SAMTOR: variants seen among roughly 807,000 people sequenced by gnomAD.
SAMTOR encodes UPF0532 protein C7orf60.
the SAMTOR span, among the ~76,000 whole-genome samples, chr7:112,914,171 T>TA: frequency 6.6e-6 from 1 of 151,658 alleles, no homozygotes; most frequent in Non-Finnish European, 1.5e-5. Flanking sequence ...AATTTTTGAA[T>TA]AAAAATGGAA....
the SAMTOR span, among the ~76,000 whole-genome samples, chr7:112,856,856 T>C: frequency 6.6e-6 from 1 of 152,138 alleles, no homozygotes; most frequent in Non-Finnish European, 1.5e-5. Context: ...CAAAACTATA[T>C]AGTAAATAAA....
At chr7:112,828,395 T>G in the SAMTOR span, among the ~76,000 whole-genome samples, 3 of 152,146 alleles carry the variant, frequency 2.0e-5, no homozygotes, top group African/African-American at 4.8e-5. Flanking sequence ...TGGTCTTTGG[T>G]TTATAGATGC....
At chr7:112,926,624 T>A in the SAMTOR span, among the ~76,000 whole-genome samples, 28 of 152,294 alleles carry the variant, frequency 1.8e-4, no homozygotes, top group African/African-American at 6.7e-4. Flanking sequence ...AAGTGAAGTA[T>A]ACTTAAATAT....
chr7:112,884,600 A>C, the SAMTOR span, among the ~76,000 whole-genome samples: 1 of 152,186 alleles, frequency 6.6e-6, no homozygotes. Context: ...CTTGGACTCC[A>C]TGTCTCACAT....
chr7:112,865,792 A>G, the SAMTOR span, among the ~76,000 whole-genome samples: 3 of 141,178 alleles, frequency 2.1e-5, no homozygotes, highest in African/African-American at 8.0e-5. Context: ...TCATTCATAT[A>G]TATACTTATT....
At chr7:112,822,045 T>C in the SAMTOR span, 8 of 1,613,694 alleles carry the variant, frequency 5.0e-6, no homozygotes, top group South Asian at 1.1e-5. Flanking sequence ...TTTTGAGTAC[T>C]TGAAGCGTTT....
chr7:112,924,355 TTAAC>T, the SAMTOR span, among the ~76,000 whole-genome samples: 2 of 152,130 alleles, frequency 1.3e-5, no homozygotes, highest in South Asian at 2.1e-4. Context: ...CAACCAATAT[TTAAC>T]TATTCAAATT....
the SAMTOR span, among the ~76,000 whole-genome samples, chr7:112,827,873 C>A: frequency 1.3e-5 from 2 of 152,050 alleles, no homozygotes; most frequent in Non-Finnish European, 2.9e-5. Context: ...GTGCACCATG[C>A]GTGGCTAACT....
the SAMTOR span, among the ~76,000 whole-genome samples, chr7:112,826,743 A>AT: frequency 6.6e-6 from 1 of 152,158 alleles, no homozygotes; most frequent in Non-Finnish European, 1.5e-5. Flanking sequence ...GTTTAGTGCT[A>AT]TAATTTTCCC....
chr7:112,819,199 A>G, the SAMTOR span: 1 of 152,770 alleles, frequency 6.5e-6, no homozygotes, highest in Non-Finnish European at 1.5e-5. Context: ...AAAATGTGAA[A>G]AAATACAACA....
At chr7:112,837,143 G>A in the SAMTOR span, among the ~76,000 whole-genome samples, 81 of 152,152 alleles carry the variant, frequency 5.3e-4, 3 homozygotes, top group East Asian at 0.012. Context: ...TTGTTGCAGA[G>A]ATTTTTCACC....
At chr7:112,843,035 AACT>A in the SAMTOR span, among the ~76,000 whole-genome samples, 1 of 152,044 alleles carries the variant, frequency 6.6e-6, no homozygotes, top group Non-Finnish European at 1.5e-5. Context: ...AAACAAATAA[AACT>A]TCTTTGCCAA....
the SAMTOR span, chr7:112,939,328 G>T: frequency 7.3e-6 from 4 of 545,200 alleles, no homozygotes; most frequent in Non-Finnish European, 1.3e-5. Context: ...CCCGGCTGGG[G>T]ACAGGGGCTT....
At chr7:112,891,378 T>C in the SAMTOR span, among the ~76,000 whole-genome samples, 1 of 152,244 alleles carries the variant, frequency 6.6e-6, no homozygotes, top group South Asian at 2.1e-4. Context: ...ATTTTCAACA[T>C]GATTTAAAAT....
At chr7:112,917,953 A>T in the SAMTOR span, among the ~76,000 whole-genome samples, 134 of 152,368 alleles carry the variant, frequency 8.8e-4, no homozygotes, top group Middle Eastern at 0.014. Flanking sequence ...CTATGTGAAA[A>T]GACCAAATCT....
the SAMTOR span, among the ~76,000 whole-genome samples, chr7:112,874,659 A>G: frequency 6.6e-6 from 1 of 152,212 alleles, no homozygotes; most frequent in Non-Finnish European, 1.5e-5. Context: ...GTAATAATAC[A>G]GAAATATGTT....
At chr7:112,854,916 A>G in the SAMTOR span, among the ~76,000 whole-genome samples, 1 of 152,186 alleles carries the variant, frequency 6.6e-6, no homozygotes, top group Non-Finnish European at 1.5e-5. Context: ...GATCTTAGCT[A>G]TGGCTTTTTT....
chr7:112,825,124 C>G, the SAMTOR span, among the ~76,000 whole-genome samples: 566 of 152,198 alleles, frequency 3.7e-3, 7 homozygotes, highest in African/African-American at 0.013. Flanking sequence ...TGGGCTCAAG[C>G]AATCTTCCCA....
At chr7:112,874,443 G>C in the SAMTOR span, among the ~76,000 whole-genome samples, 1 of 151,982 alleles carries the variant, frequency 6.6e-6, no homozygotes, top group South Asian at 2.1e-4. Flanking sequence ...CTAAACACTG[G>C]GTACATAGGG....
Sources: allele counts gnomAD v4.1 joint callset (sites outside exome capture counted in the v4.1 genomes callset), GRCh38; gene constraint gnomAD v4.1.1; transcripts MANE v1.5; gene names NCBI Gene and HGNC (gene_info 2026-07-23, HGNC 2026-07-21).